The following LRRC72 variants were observed in gnomAD, a reference collection of about 807,000 sequenced individuals.
LRRC72 encodes the protein leucine rich repeat containing 72, also known as leucine-rich repeat-containing protein 72.
Under a neutral mutation model 35.8 loss-of-function variants are expected in LRRC72, and 41 were observed. The ratio of observed to expected loss-of-function variants is 1.15; its 90% CI spans 0.89 to 1.49. The LOEUF is 1.49. LRRC72 is among the 40% of genes most tolerant of loss of function. The probability of loss-of-function intolerance (pLI) is 0.00; values close to 1 mark genes in which losing one functional copy is unlikely to be tolerated. For missense variants in LRRC72, 389 were observed against 330.7 expected (o/e 1.18, Z -1.37); for synonymous variants, 118 against 119.2 (o/e 0.99, Z 0.07).
At chr7:16,567,822 G>A (rs1174232126) in intron 7 of LRRC72, among the ~76,000 whole-genome samples, 1 of 152,008 alleles carries the variant, frequency 6.6e-6, no homozygotes, top group East Asian at 1.9e-4. Context: ...ACCTAACACA[G>A]TATAAAGGGC....
chr7:16,552,086 G>A (rs1288986663), intron 3 of LRRC72, among the ~76,000 whole-genome samples: 1 of 152,110 alleles, frequency 6.6e-6, no homozygotes, highest in Non-Finnish European at 1.5e-5. Context: ...CACACATTTG[G>A]TCAAAAAAAG....
rs1373898610 is a variant in LRRC72 at position 16,532,484 on chromosome 7, T to C, written c.91-11T>C. ...GGAATGTAGTTTGACAGATTAATTA[T>C]ATGTTATCAGGCAGTTGAAGATCAG... On this transcript the variant is annotated splice_polypyrimidine_tract_variant and intron_variant, in intron 1 of 8. Transcript: ENST00000401542. 4.5e-6 allele frequency: 7 copies of C among 1,544,310 alleles called. No homozygotes were observed. Among genetic ancestry groups the C allele is most frequent in the East Asian group, 2.4e-5 (1 of 40,864 alleles).
intron 7 of LRRC72, among the ~76,000 whole-genome samples, chr7:16,576,453 T>A (rs1783042661): frequency 6.6e-6 from 1 of 152,226 alleles, no homozygotes; most frequent in Non-Finnish European, 1.5e-5. Context: ...CATCTGAAGT[T>A]AAGAAACCAA....
At chr7:16,534,428 C>T (rs540717648) in intron 2 of LRRC72, among the ~76,000 whole-genome samples, 48 of 150,902 alleles carry the variant, frequency 3.2e-4, no homozygotes, top group Non-Finnish European at 6.0e-4. Context: ...GATGTGGGCT[C>T]GTAAAAGTTT....
intron 2 of LRRC72, among the ~76,000 whole-genome samples, chr7:16,535,021 AC>A (rs1368073369): frequency 6.6e-6 from 1 of 151,942 alleles, no homozygotes; most frequent in Non-Finnish European, 1.5e-5. Context: ...AACATATGAA[AC>A]CCTGTCTCTA....
At chr7:16,528,808 T>C (rs975485717) in intron 1 of LRRC72, among the ~76,000 whole-genome samples, 5 of 152,176 alleles carry the variant, frequency 3.3e-5, no homozygotes, top group Non-Finnish European at 5.9e-5. Flanking sequence ...AGCATAATGC[T>C]GAATCACCCA....
chr7:16,562,270 C>G (rs758243584), intron 5 of LRRC72, among the ~76,000 whole-genome samples: 7 of 152,134 alleles, frequency 4.6e-5, no homozygotes, highest in Non-Finnish European at 8.8e-5. Context: ...CCTCCAAACT[C>G]TTTCTAAATC....
intron 7 of LRRC72, among the ~76,000 whole-genome samples, chr7:16,578,986 G>C (rs185900193): frequency 1.5e-4 from 23 of 152,290 alleles, no homozygotes; most frequent in Middle Eastern, 3.4e-3. Flanking sequence ...GGAGATGTTA[G>C]TCAAAAGGTA....
intron 2 of LRRC72, among the ~76,000 whole-genome samples, chr7:16,534,187 G>A (rs1880325): frequency 0.26 from 39,337 of 152,054 alleles, 5,293 homozygotes; most frequent in East Asian, 0.45. Flanking sequence ...GCATCTTATC[G>A]ATGTGTTCTT....
At chr7:16,578,298 C>T (rs569793902) in intron 7 of LRRC72, among the ~76,000 whole-genome samples, 2 of 152,228 alleles carry the variant, frequency 1.3e-5, no homozygotes, top group South Asian at 4.1e-4. Context: ...CATGGTGAAA[C>T]CCCGTCTCTA....
intron 7 of LRRC72, among the ~76,000 whole-genome samples, chr7:16,571,511 A>G (rs984814294): frequency 6.6e-6 from 1 of 152,132 alleles, no homozygotes; most frequent in East Asian, 1.9e-4. Flanking sequence ...CCTCACTGAG[A>G]TGGGTTAGAC....
Position 16,526,904 on chromosome 7 carries a change from CG to C in LRRC72, c.-46del. 1.4e-6 allele frequency: 2 copies of C among 1,451,034 alleles called. No individual in the cohort carries two copies. The highest frequency in any genetic ancestry group is 1.9e-6 in the Non-Finnish European group (2 of 1,069,682). The allele number at this position is 1,451,034 out of a possible 1,614,324, so 89.9% of individuals were successfully genotyped here. A position where few individuals can be genotyped will look rare whatever the true frequency, so the allele number is the denominator to read the frequency against. ...CCAAGTCTCTCTTCGGTGCCACCGG[CG>C]GGCGAGGCCGGATTAATCACCGCTG... On this transcript the variant is annotated 5_prime_UTR_variant, in exon 1 of 9. Transcript: ENST00000401542.
At chr7:16,576,631 G>A (rs890455856) in intron 7 of LRRC72, among the ~76,000 whole-genome samples, 4 of 152,106 alleles carry the variant, frequency 2.6e-5, no homozygotes, top group African/African-American at 9.7e-5. Context: ...AACACTTTGG[G>A]CTTCTACCTG....
At chr7:16,561,382 T>C (rs1445229694) in intron 5 of LRRC72, among the ~76,000 whole-genome samples, 1 of 152,166 alleles carries the variant, frequency 6.6e-6, no homozygotes, top group African/African-American at 2.4e-5. Flanking sequence ...GTTATGCCCA[T>C]AGTAATAAAT....
At chr7:16,575,355 CA>C (rs1228376496) in intron 7 of LRRC72, among the ~76,000 whole-genome samples, 1 of 152,138 alleles carries the variant, frequency 6.6e-6, no homozygotes, top group Non-Finnish European at 1.5e-5. Flanking sequence ...ATTCTTGCCC[CA>C]AACCAGATTT....
At chr7:16,529,236 C>T (rs566132426) in intron 1 of LRRC72, among the ~76,000 whole-genome samples, 93 of 152,298 alleles carry the variant, frequency 6.1e-4, no homozygotes, top group African/African-American at 2.1e-3. Flanking sequence ...TACAGCCCCA[C>T]ATACCTTATA....
chr7:16,580,239 G>A (rs1783117981), intron 8 of LRRC72, 138 bp downstream of exon 8: 1 of 183,842 alleles, frequency 5.4e-6, no homozygotes, highest in South Asian at 1.2e-4. Context: ...AAAATTGCTA[G>A]GTCTTTCTGT....
At chr7:16,559,565 T>C (rs184275394) in intron 5 of LRRC72, among the ~76,000 whole-genome samples, 1 of 152,266 alleles carries the variant, frequency 6.6e-6, no homozygotes, top group Admixed American at 6.5e-5. Flanking sequence ...TTAAATTTGT[T>C]TTTGGTTTTA....
At chr7:16,544,255 C>A (rs191022831) in intron 3 of LRRC72, among the ~76,000 whole-genome samples, 5 of 152,184 alleles carry the variant, frequency 3.3e-5, no homozygotes, top group Admixed American at 6.5e-5. Context: ...AAAACTTGAG[C>A]TTCTGGTCCA....
Sources: allele counts gnomAD v4.1 joint callset (sites outside exome capture counted in the v4.1 genomes callset), GRCh38; gene constraint gnomAD v4.1.1; transcripts MANE v1.5; gene names NCBI Gene and HGNC (gene_info 2026-07-23, HGNC 2026-07-21).